The following EHBP1 variants were observed in gnomAD, a reference collection of about 807,000 sequenced individuals.
EHBP1 encodes the protein EH domain binding protein 1, also known as EH domain-binding protein 1.
Under a neutral mutation model 144.0 loss-of-function variants are expected in EHBP1, and 55 were observed. That is an observed-to-expected ratio of 0.38 (90% CI 0.31 to 0.48). The LOEUF is 0.48. EHBP1 is among the 20% of genes least tolerant of loss of function. The probability of loss-of-function intolerance (pLI) is 0.98; values close to 1 mark genes in which losing one functional copy is unlikely to be tolerated. For missense variants in EHBP1, 1,200 were observed against 1,364.2 expected (o/e 0.88, Z 1.90); for synonymous variants, 469 against 472.7 (o/e 0.99, Z 0.10).
intron 9 of EHBP1, among the ~76,000 whole-genome samples, chr2:62,868,104 G>A (rs1329782351): frequency 6.6e-6 from 1 of 152,294 alleles, no homozygotes; most frequent in East Asian, 1.9e-4. Context: ...GCCAGGCACA[G>A]TGGCTCACAC....
intron 10 of EHBP1, among the ~76,000 whole-genome samples, chr2:62,896,144 A>G (rs1444952864): frequency 6.6e-6 from 1 of 152,234 alleles, no homozygotes; most frequent in East Asian, 1.9e-4. Context: ...GAGGAAAAGA[A>G]CAGGGTACTA....
chr2:62,738,196 G>C (rs2038343406), intron 2 of EHBP1, among the ~76,000 whole-genome samples: 1 of 151,974 alleles, frequency 6.6e-6, no homozygotes, highest in Non-Finnish European at 1.5e-5. Flanking sequence ...TGGTAGGTGA[G>C]GATTTAGCCC....
intron 14 of EHBP1, among the ~76,000 whole-genome samples, chr2:62,971,233 T>C (rs1261097780): frequency 6.6e-6 from 1 of 152,194 alleles, no homozygotes; most frequent in African/African-American, 2.4e-5. Flanking sequence ...GAAACAGGGC[T>C]CTTTTTGCAC....
chr2:62,949,543 C>T (rs2057267574), intron 13 of EHBP1, among the ~76,000 whole-genome samples: 1 of 152,076 alleles, frequency 6.6e-6, no homozygotes, highest in Admixed American at 6.6e-5. Context: ...TAAAGAATGT[C>T]AACTTTTCAA....
chr2:62,868,779 C>G (rs971237026), intron 9 of EHBP1, among the ~76,000 whole-genome samples: 1 of 151,848 alleles, frequency 6.6e-6, no homozygotes. Flanking sequence ...AAGAGTCTAT[C>G]TCTTAAAAAA....
chr2:62,682,671 T>C (rs186118187), intron 1 of EHBP1, among the ~76,000 whole-genome samples: 5 of 152,340 alleles, frequency 3.3e-5, no homozygotes, highest in East Asian at 1.9e-4. Context: ...CAGCACAATA[T>C]TGAGCTCTTA....
intron 15 of EHBP1, among the ~76,000 whole-genome samples, chr2:62,986,521 C>CA (rs2059197380): frequency 6.7e-6 from 1 of 150,166 alleles, no homozygotes; most frequent in South Asian, 2.1e-4. Flanking sequence ...CGGCTCACTG[C>CA]AATCTCCACC....
rs1184976140 is a variant in EHBP1, at chr2:62,836,941, C to G, written c.634+5783C>G. ...CAGGATATTATCCAGGAGAACTTCC[C>G]CAATCTAGCAAGGCAGGCCAACGTT... On this transcript the variant is annotated intron_variant, in intron 7 of 22. Coordinates refer to ENST00000431489, the MANE Select transcript of EHBP1 (RefSeq NM_001142616.3). Among the ~76,000 whole-genome samples the G allele has an allele frequency of 5.4e-5, 7 of 129,492 alleles. No individual in the cohort carries two copies. In the East Asian group the frequency reaches 7.2e-4, roughly 13 times the overall value. 85.0% of individuals were successfully genotyped at this position (129,492 alleles called of 152,430 possible).
chr2:62,742,994 A>G (rs933089140), intron 2 of EHBP1, among the ~76,000 whole-genome samples: 1 of 152,128 alleles, frequency 6.6e-6, no homozygotes, highest in African/African-American at 2.4e-5. Flanking sequence ...AATTCATGGT[A>G]GAAAATACAG....
intron 10 of EHBP1, among the ~76,000 whole-genome samples, chr2:62,911,360 CTTG>C (rs1185678385): frequency 2.0e-5 from 3 of 152,054 alleles, no homozygotes; most frequent in African/African-American, 4.8e-5. Context: ...TATTGTTGTT[CTTG>C]TTGTTACTTA....
At chr2:63,042,491 G>T (rs1040103021) in intron 21 of EHBP1, among the ~76,000 whole-genome samples, 3 of 151,936 alleles carry the variant, frequency 2.0e-5, no homozygotes, top group African/African-American at 7.2e-5. Flanking sequence ...TGTAATGACA[G>T]ATTTAATATT....
intron 5 of EHBP1, among the ~76,000 whole-genome samples, chr2:62,803,609 GT>G (rs151206408): frequency 7.2e-4 from 110 of 152,230 alleles, no homozygotes; most frequent in Non-Finnish European, 1.0e-3. Context: ...TCTGTGAATT[GT>G]TCATGCCCAC....
At chr2:62,848,579 T>C (rs2048460749) in intron 7 of EHBP1, among the ~76,000 whole-genome samples, 1 of 152,220 alleles carries the variant, frequency 6.6e-6, no homozygotes, top group East Asian at 1.9e-4. Flanking sequence ...TGTTCATGAA[T>C]GGAATACTAC....
At chr2:62,858,304 C>A in intron 7 of EHBP1, 1 of 692,148 alleles carries the variant, frequency 1.4e-6, no homozygotes, top group Non-Finnish European at 2.5e-6. Context: ...TGTTGATTAA[C>A]CAAACATCTC....
intron 13 of EHBP1, among the ~76,000 whole-genome samples, chr2:62,953,156 GC>G (rs2057482148): frequency 6.9e-6 from 1 of 144,756 alleles, no homozygotes; most frequent in Non-Finnish European, 1.5e-5. Context: ...GGCGGAGGTT[GC>G]GGTGAGCCGA....
chr2:62,879,017 C>CAAA (rs796990216), intron 10 of EHBP1, among the ~76,000 whole-genome samples: 1 of 72,260 alleles, frequency 1.4e-5, no homozygotes, highest in Non-Finnish European at 2.8e-5. Flanking sequence ...GACGCTGTCT[C>CAAA]AAAAAAAAAA....
At chr2:63,004,822 C>G (rs2059974813) in intron 19 of EHBP1, among the ~76,000 whole-genome samples, 1 of 152,010 alleles carries the variant, frequency 6.6e-6, no homozygotes, top group African/African-American at 2.4e-5. Flanking sequence ...AAATATTGTT[C>G]TCAAACTTCA....
At chr2:62,722,405 G>A (rs1224921475) in intron 2 of EHBP1, among the ~76,000 whole-genome samples, 5 of 151,868 alleles carry the variant, frequency 3.3e-5, no homozygotes, top group African/African-American at 4.8e-5. Flanking sequence ...TTACAGGCAT[G>A]AGCCACCATG....
At chr2:62,829,373 C>T (rs1041566214) in intron 6 of EHBP1, among the ~76,000 whole-genome samples, 5 of 151,790 alleles carry the variant, frequency 3.3e-5, no homozygotes, top group South Asian at 2.1e-4. Flanking sequence ...CACTCTTCCA[C>T]GTAAGTCTCC....
Sources: gnomAD v4.1 joint callset for allele counts (sites outside exome capture counted in the v4.1 genomes callset) on GRCh38, gnomAD v4.1.1 for gene constraint, MANE v1.5 for transcripts, NCBI Gene and HGNC (gene_info 2026-07-23, HGNC 2026-07-21) for gene names.